SLC24A4: variants seen among roughly 807,000 people sequenced by gnomAD.
The protein encoded by SLC24A4 is sodium/potassium/calcium exchanger 4.
In SLC24A4, 53 loss-of-function variants were observed where a neutral mutation model predicts 79.0. That is an observed-to-expected ratio of 0.67 (90% CI 0.54 to 0.84). SLC24A4 has a LOEUF of 0.84. SLC24A4 is among the 40% of genes least tolerant of loss of function. SLC24A4 has a pLI of 0.00. For missense variants in SLC24A4, 731 were observed against 822.0 expected (o/e 0.89, Z 1.35); for synonymous variants, 323 against 323.8 (o/e 1.00, Z 0.03).
intron 2 of SLC24A4, among the ~76,000 whole-genome samples, chr14:92,403,833 C>A (rs1199139245): frequency 6.8e-6 from 1 of 147,862 alleles, no homozygotes; most frequent in African/African-American, 2.5e-5. Context: ...CACTGCCCCT[C>A]CCCCCCACCC....
At position 92,342,363 on chromosome 14, in the gene SLC24A4, C is replaced by CATTAATTAATTAATTTATTT. The variant is rs377654077; in HGVS notation, c.241+16388_241+16389insAATTAATTAATTTATTTATT. Among the ~76,000 whole-genome samples the CATTAATTAATTAATTTATTT allele has an allele frequency of 1.1e-3, 150 of 137,924 alleles. 1 individual carries two copies. The highest frequency in any genetic ancestry group is 7.0e-3 in the East Asian group (33 of 4,746). The allele number at this position is 137,924 out of a possible 152,430, so 90.5% of individuals were successfully genotyped here. On this transcript the variant is annotated intron_variant, in intron 2 of 16. Transcript: ENST00000532405. The stretch of plus-strand genomic sequence containing the variant: ...GCTCCCAGATTCTTCTTTTTTTCCC[C>CATTAATTAATTAATTTATTT]ATTTATTTATTTATTTATTTATTTA...
intron 2 of SLC24A4, among the ~76,000 whole-genome samples, chr14:92,379,090 C>A (rs74503470): frequency 0.025 from 3,746 of 152,178 alleles, 80 homozygotes; most frequent in African/African-American, 0.054. Flanking sequence ...AGCTAGCTAG[C>A]TAGATAGATA....
intron 2 of SLC24A4, among the ~76,000 whole-genome samples, chr14:92,403,902 A>T (rs1890242272): frequency 7.5e-6 from 1 of 132,462 alleles, no homozygotes; most frequent in African/African-American, 3.0e-5. Context: ...CCAGTCACTC[A>T]CTTCAGTGCT....
chr14:92,329,537 T>C lies in SLC24A4; in HGVS notation c.241+3559T>C, dbSNP rs184667034. 1.2e-3 allele frequency among the ~76,000 whole-genome samples: 181 copies of C among 152,324 alleles called. 2 individuals are homozygous for C. Among genetic ancestry groups the C allele is most frequent in the African/African-American group, 4.1e-3 (169 of 41,572 alleles). Reference sequence around the variant, plus strand: ...TACTCTGTGTTTTTTGTTTGTTTGTTTTTGTTTTGTTTTGTCACTCTGTCA... The same window carrying C: ...TACTCTGTGTTTTTTGTTTGTTTGTCTTTGTTTTGTTTTGTCACTCTGTCA... On this transcript the variant is annotated intron_variant, in intron 2 of 16. Coordinates refer to ENST00000532405, the MANE Select transcript of SLC24A4 (RefSeq NM_153646.4).
At chr14:92,461,564 C>G (rs1359935057) in intron 12 of SLC24A4, among the ~76,000 whole-genome samples, 1 of 152,150 alleles carries the variant, frequency 6.6e-6, no homozygotes, top group East Asian at 1.9e-4. Context: ...TTGGTGCATG[C>G]ATGTGGAGAG....
intron 2 of SLC24A4, among the ~76,000 whole-genome samples, chr14:92,432,830 G>A (rs185519337): frequency 6.6e-6 from 1 of 152,070 alleles, no homozygotes; most frequent in Non-Finnish European, 1.5e-5. Flanking sequence ...AGAGCTTAGG[G>A]CCCAATTATA....
At chr14:92,456,098 A>T (rs10137770) in intron 11 of SLC24A4, among the ~76,000 whole-genome samples, 1 of 152,066 alleles carries the variant, frequency 6.6e-6, no homozygotes. Context: ...TGTGAACGTC[A>T]CCAGGGAGAG....
At chr14:92,351,458 A>G (rs754626056) in intron 2 of SLC24A4, among the ~76,000 whole-genome samples, 3 of 152,178 alleles carry the variant, frequency 2.0e-5, no homozygotes, top group Non-Finnish European at 4.4e-5. Flanking sequence ...ATTAGCAGCT[A>G]TTGTTACATG....
At chr14:92,423,120 CTTTA>C (rs1193930074) in intron 2 of SLC24A4, among the ~76,000 whole-genome samples, 2 of 146,258 alleles carry the variant, frequency 1.4e-5, no homozygotes, top group African/African-American at 2.5e-5. Context: ...CCCTAATTTA[CTTTA>C]TTTAATTTAA....
chr14:92,414,829 C>T (rs1226273837), intron 2 of SLC24A4, among the ~76,000 whole-genome samples: 1 of 152,194 alleles, frequency 6.6e-6, no homozygotes, highest in East Asian at 1.9e-4. Flanking sequence ...CTCTCTGTTC[C>T]TGTTCTGTCA....
chr14:92,403,406 G>A (rs1235553880), intron 2 of SLC24A4, among the ~76,000 whole-genome samples: 1 of 151,890 alleles, frequency 6.6e-6, no homozygotes, highest in Non-Finnish European at 1.5e-5. Context: ...AGAAGATTGA[G>A]ACCATCCTGG....
At chr14:92,443,861 A>G (rs1038146253) in intron 7 of SLC24A4, among the ~76,000 whole-genome samples, 3 of 152,106 alleles carry the variant, frequency 2.0e-5, no homozygotes, top group African/African-American at 7.2e-5. Flanking sequence ...AGGGTCACTC[A>G]TGTGGCTGTG....
chr14:92,436,778 A>G (rs1297370973), intron 3 of SLC24A4, among the ~76,000 whole-genome samples: 1 of 152,012 alleles, frequency 6.6e-6, no homozygotes, highest in Non-Finnish European at 1.5e-5. Context: ...GAAGAGAGAG[A>G]GGCCTTTTGG....
intron 2 of SLC24A4, among the ~76,000 whole-genome samples, chr14:92,427,413 G>A (rs1391355317): frequency 6.6e-6 from 1 of 152,282 alleles, no homozygotes; most frequent in Non-Finnish European, 1.5e-5. Context: ...GGGCCAGACC[G>A]TGCAGGGCCT....
chr14:92,466,348 TG>T (rs1230385322), intron 12 of SLC24A4, among the ~76,000 whole-genome samples: 3 of 152,122 alleles, frequency 2.0e-5, no homozygotes, highest in Non-Finnish European at 4.4e-5. Context: ...AGTAGCACAG[TG>T]GGGTGGAGAT....
chr14:92,330,978 G>C (rs368180684), intron 2 of SLC24A4, among the ~76,000 whole-genome samples: 11 of 152,326 alleles, frequency 7.2e-5, no homozygotes, highest in African/African-American at 2.2e-4. Context: ...GCTGAGAATG[G>C]AACCTGGTGC....
At chr14:92,411,941 C>A (rs7144205) in intron 2 of SLC24A4, among the ~76,000 whole-genome samples, 102,344 of 150,364 alleles carry the variant, frequency 0.68, 35,221 homozygotes, top group East Asian at 0.97. Flanking sequence ...GACCAAAAAA[C>A]AAAACAAAAC....
chr14:92,467,081 A>G (rs545402285), intron 12 of SLC24A4, among the ~76,000 whole-genome samples: 10 of 152,336 alleles, frequency 6.6e-5, no homozygotes, highest in Admixed American at 5.2e-4. Flanking sequence ...CACAAAGGCC[A>G]GCACAGAGGC....
At chr14:92,338,507 C>A (rs1363524518) in intron 2 of SLC24A4, among the ~76,000 whole-genome samples, 1 of 152,154 alleles carries the variant, frequency 6.6e-6, no homozygotes, top group African/African-American at 2.4e-5. Flanking sequence ...TGATGCAGTG[C>A]CTGCCTAGAA....
Sources: gnomAD v4.1 joint callset for allele counts (sites outside exome capture counted in the v4.1 genomes callset) on GRCh38, gnomAD v4.1.1 for gene constraint, MANE v1.5 for transcripts, NCBI Gene and HGNC (gene_info 2026-07-23, HGNC 2026-07-21) for gene names.